LIN7A: variants seen among roughly 807,000 people sequenced by gnomAD.
LIN7A encodes the protein protein lin-7 homolog A.
Under a neutral mutation model 29.8 loss-of-function variants are expected in LIN7A, and 25 were observed. That is an observed-to-expected ratio of 0.84 (90% CI 0.61 to 1.17). The LOEUF (loss-of-function observed/expected upper bound fraction) is 1.17. LIN7A is among the 50% of genes most tolerant of loss of function. LIN7A has a pLI of 0.00. For missense variants in LIN7A, 239 were observed against 287.0 expected, an observed-to-expected ratio of 0.83 and a Z score of 1.21; for synonymous variants, 118 against 107.5, an observed-to-expected ratio of 1.10 and a Z score of -0.60.
Position 80,803,307 on chromosome 12 carries a change from T to C in LIN7A, c.*1-5581A>G, listed in dbSNP as rs184208981. On this transcript the variant is annotated intron_variant, in intron 5 of 5. Coordinates refer to ENST00000552864, the MANE Select transcript of LIN7A (RefSeq NM_004664.4). ...CAATCATTTTAAGTTGGTTTTGTTA[T>C]GGGGTGAGATAAGGGTCCAATTTCA... Among the ~76,000 whole-genome samples the C allele has an allele frequency of 1.2e-3, 190 of 152,336 alleles. 1 individual carries two copies. The highest frequency in any genetic ancestry group is 1.9e-3 in the Non-Finnish European group (132 of 68,028).
At chr12:80,838,473 C>A (rs757006798) in intron 4 of LIN7A, among the ~76,000 whole-genome samples, 1 of 152,108 alleles carries the variant, frequency 6.6e-6, no homozygotes, top group African/African-American at 2.4e-5. Flanking sequence ...GCAAAATATA[C>A]CAGATCATGC....
chr12:80,808,053 A>G (rs147089068), intron 5 of LIN7A, among the ~76,000 whole-genome samples: 1 of 152,238 alleles, frequency 6.6e-6, no homozygotes, highest in Non-Finnish European at 1.5e-5. Context: ...GTCCCCAGCT[A>G]TCCTATTGAC....
intron 2 of LIN7A, among the ~76,000 whole-genome samples, chr12:80,875,201 A>G (rs1874624300): frequency 6.6e-6 from 1 of 152,168 alleles, no homozygotes; most frequent in African/African-American, 2.4e-5. Context: ...CATCCATAAA[A>G]TTACGTTTAC....
intron 4 of LIN7A, among the ~76,000 whole-genome samples, chr12:80,835,547 T>A (rs370445346): frequency 2.1e-4 from 32 of 152,292 alleles, no homozygotes; most frequent in African/African-American, 7.0e-4. Context: ...GCGGAGAGTC[T>A]AACTCTATAG....
rs527309327 is a variant in LIN7A at position 80,810,516 on chromosome 12, T to C, written c.*949A>G. 5.3e-5 allele frequency among the ~76,000 whole-genome samples: 8 copies of C among 152,280 alleles called. No individual in the cohort carries two copies. In the South Asian group the frequency reaches 1.2e-3, roughly 24 times the overall value. On this transcript the variant is annotated intron_variant, in intron 5 of 5. Coordinates refer to ENST00000552864, the MANE Select transcript of LIN7A (RefSeq NM_004664.4). ...TCCCTTGATAGCACTTCAGTTGTTT[T>C]CATATCTTAGCTGTTGTAATAATGC...
chr12:80,857,676 C>A (rs1164023666), intron 2 of LIN7A, among the ~76,000 whole-genome samples: 1 of 152,114 alleles, frequency 6.6e-6, no homozygotes, highest in African/African-American at 2.4e-5. Context: ...AAGCCAATTT[C>A]TGTGAAAATG....
intron 2 of LIN7A, among the ~76,000 whole-genome samples, chr12:80,875,465 A>G (rs932111255): frequency 6.6e-6 from 1 of 152,222 alleles, no homozygotes; most frequent in Non-Finnish European, 1.5e-5. Context: ...ATATCTGCAC[A>G]TTCATAAGAA....
At position 80,811,756 on chromosome 12, in the gene LIN7A, A is replaced by G. The variant is rs1871304441; in HGVS notation, c.484-73T>C. 7.2e-6 allele frequency: 11 copies of G among 1,536,132 alleles called. No homozygotes were observed. The South Asian group carries it at 1.2e-4, about 17-fold the overall frequency. ...TTCCCTGGAGACAAATCTGAAATTA[A>G]TATCACATTAAGAACCCAAAATTTA... On this transcript the variant is annotated intron_variant, in intron 4 of 5. Coordinates refer to ENST00000552864, the MANE Select transcript of LIN7A (RefSeq NM_004664.4).
At chr12:80,872,271 T>C (rs184021981) in intron 2 of LIN7A, among the ~76,000 whole-genome samples, 1 of 152,230 alleles carries the variant, frequency 6.6e-6, no homozygotes, top group African/African-American at 2.4e-5. Context: ...CTTGCAGTCC[T>C]TAAGTCATGG....
At chr12:80,837,901 T>G (rs1488640360) in intron 4 of LIN7A, among the ~76,000 whole-genome samples, 1 of 146,930 alleles carries the variant, frequency 6.8e-6, no homozygotes, top group Non-Finnish European at 1.5e-5. Flanking sequence ...TTATAACCCT[T>G]TTTTTTTGTT....
chr12:80,915,255 G>C (rs1180053982), intron 1 of LIN7A, among the ~76,000 whole-genome samples: 1 of 150,858 alleles, frequency 6.6e-6, no homozygotes, highest in African/African-American at 2.4e-5. Context: ...AGTGACTAAT[G>C]AACATGAAAA....
At chr12:80,897,081 G>GT (rs1308481474) in intron 1 of LIN7A, among the ~76,000 whole-genome samples, 54 of 150,750 alleles carry the variant, frequency 3.6e-4, no homozygotes, top group East Asian at 1.8e-3. Flanking sequence ...CTTCTTTCCT[G>GT]TTTTTTTTAA....
chr12:80,884,565 G>A (rs1304410398), intron 2 of LIN7A, among the ~76,000 whole-genome samples: 6 of 152,090 alleles, frequency 3.9e-5, no homozygotes, highest in African/African-American at 1.4e-4. Flanking sequence ...GGAACATATA[G>A]CTTCTTCCAC....
chr12:80,867,925 C>T (rs4842365), intron 2 of LIN7A, among the ~76,000 whole-genome samples: 64,928 of 151,974 alleles, frequency 0.43, 14,288 homozygotes, highest in East Asian at 0.68. Context: ...TTATTATATC[C>T]TGTCAATTTA....
chr12:80,865,258 T>C (rs1383636546), intron 2 of LIN7A, among the ~76,000 whole-genome samples: 1 of 152,138 alleles, frequency 6.6e-6, no homozygotes, highest in African/African-American at 2.4e-5. Flanking sequence ...TATTACAAAA[T>C]TAAAGAAATT....
intron 5 of LIN7A, among the ~76,000 whole-genome samples, chr12:80,800,807 C>A (rs12813438): frequency 0.016 from 2,386 of 151,658 alleles, 29 homozygotes; most frequent in Non-Finnish European, 0.024. Context: ...GAAAAAAAAA[C>A]CAACTACAGA....
At chr12:80,808,987 T>G (rs998011730) in intron 5 of LIN7A, among the ~76,000 whole-genome samples, 40 of 152,110 alleles carry the variant, frequency 2.6e-4, no homozygotes, top group African/African-American at 9.6e-4. Flanking sequence ...CATTTTTTTT[T>G]TTTTGTGGTT....
intron 1 of LIN7A, among the ~76,000 whole-genome samples, chr12:80,905,740 A>G (rs1347153202): frequency 1.3e-5 from 2 of 152,114 alleles, no homozygotes; most frequent in Non-Finnish European, 2.9e-5. Context: ...ACTCTTTCAC[A>G]TTTAATTTTG....
intron 2 of LIN7A, among the ~76,000 whole-genome samples, chr12:80,888,760 A>G (rs1875467086): frequency 6.6e-6 from 1 of 152,176 alleles, no homozygotes; most frequent in South Asian, 2.1e-4. Context: ...TCTTGAAACC[A>G]TTAGTCAAGA....
Sources: allele counts gnomAD v4.1 joint callset (sites outside exome capture counted in the v4.1 genomes callset), GRCh38; gene constraint gnomAD v4.1.1; transcripts MANE v1.5; gene names NCBI Gene and HGNC (gene_info 2026-07-23, HGNC 2026-07-21).